The following GRM8 variants were observed in gnomAD, a reference collection of about 807,000 sequenced individuals.
GRM8 encodes glutamate metabotropic receptor 8.
Under a neutral mutation model 87.2 loss-of-function variants are expected in GRM8, and 47 were observed. The ratio of observed to expected loss-of-function variants is 0.54; its 90% confidence interval spans 0.43 to 0.69. GRM8 has a LOEUF of 0.69. Among genes scored for constraint, GRM8 ranks in the 30% least tolerant of loss-of-function variants. The pLI is 0.00. For missense variants in GRM8, 1,019 were observed against 1,139.2 expected (o/e 0.89, Z 1.52); for synonymous variants, 396 against 404.5 (o/e 0.98, Z 0.25).
chr7:126,582,702 A>G (rs982790065), intron 8 of GRM8, among the ~76,000 whole-genome samples: 3 of 152,162 alleles, frequency 2.0e-5, no homozygotes, highest in Admixed American at 6.5e-5. Context: ...TCCAATGCTC[A>G]TTGAACATTC....
intron 3 of GRM8, chr7:127,058,105 CATG>C: frequency 2.0e-6 from 1 of 511,690 alleles, no homozygotes; most frequent in Non-Finnish European, 4.0e-6. Flanking sequence ...CGTCTTACGT[CATG>C]ATGTTGCGTC....
At chr7:126,543,581 T>C (rs1243022437) in intron 8 of GRM8, among the ~76,000 whole-genome samples, 2 of 151,806 alleles carry the variant, frequency 1.3e-5, no homozygotes, top group African/African-American at 4.9e-5. Context: ...TATCCTTCAC[T>C]GAAAAGGGGC....
chr7:127,177,675 C>G (rs576271022), intron 2 of GRM8, among the ~76,000 whole-genome samples: 102 of 152,338 alleles, frequency 6.7e-4, no homozygotes, highest in African/African-American at 2.2e-3. Flanking sequence ...CATCACAGGG[C>G]TCTGTGCAGA....
At chr7:126,875,268 A>C (rs1389477526) in intron 6 of GRM8, among the ~76,000 whole-genome samples, 3 of 151,888 alleles carry the variant, frequency 2.0e-5, no homozygotes. Context: ...AACTGTAAGT[A>C]ATCAAAGAAG....
chr7:126,980,698 T>C (rs1811433316), intron 3 of GRM8, among the ~76,000 whole-genome samples: 1 of 152,198 alleles, frequency 6.6e-6, no homozygotes, highest in Non-Finnish European at 1.5e-5. Flanking sequence ...CTCCTTAACC[T>C]TGGCGATAGT....
At chr7:127,216,353 C>T (rs1019693087) in intron 2 of GRM8, among the ~76,000 whole-genome samples, 6 of 151,110 alleles carry the variant, frequency 4.0e-5, no homozygotes, top group Admixed American at 6.6e-5. Context: ...CCTGTCTCTA[C>T]GAAAAATACA....
chr7:126,687,113 C>T (rs1167602804), intron 7 of GRM8, among the ~76,000 whole-genome samples: 1 of 152,216 alleles, frequency 6.6e-6, no homozygotes, highest in African/African-American at 2.4e-5. Context: ...CCACACAGGT[C>T]AGGAGATGCA....
At chr7:126,545,584 T>C (rs906650485) in intron 8 of GRM8, among the ~76,000 whole-genome samples, 27 of 152,322 alleles carry the variant, frequency 1.8e-4, no homozygotes, top group Non-Finnish European at 3.4e-4. Flanking sequence ...TTTTTGTGAA[T>C]AGTATTTAAA....
chr7:126,556,146 G>A (rs561351649), intron 8 of GRM8, among the ~76,000 whole-genome samples: 58 of 152,084 alleles, frequency 3.8e-4, no homozygotes, highest in South Asian at 1.0e-3. Context: ...AAAATACTTC[G>A]TATCCATGAA....
chr7:127,101,538 C>A (rs1173301273), intron 3 of GRM8, among the ~76,000 whole-genome samples: 1 of 152,128 alleles, frequency 6.6e-6, no homozygotes, highest in Non-Finnish European at 1.5e-5. Flanking sequence ...TCCCCCATTC[C>A]CAACTCTCTC....
intron 2 of GRM8, among the ~76,000 whole-genome samples, chr7:127,190,310 A>G (rs1794957686): frequency 6.6e-6 from 1 of 152,190 alleles, no homozygotes; most frequent in Non-Finnish European, 1.5e-5. Context: ...CCAGGAACAG[A>G]GAATTGTTAA....
At chr7:127,108,442 G>C (rs1347355681) in intron 2 of GRM8, among the ~76,000 whole-genome samples, 1 of 152,114 alleles carries the variant, frequency 6.6e-6, no homozygotes, top group African/African-American at 2.4e-5. Flanking sequence ...GTGCGAGTAG[G>C]GGTTGTGTGG....
intron 7 of GRM8, among the ~76,000 whole-genome samples, chr7:126,658,632 T>C (rs534294688): frequency 6.6e-6 from 1 of 151,848 alleles, no homozygotes; most frequent in Admixed American, 6.6e-5. Flanking sequence ...GAAGACCACA[T>C]TCTAGATCAA....
chr7:127,249,991 A>G (rs1051404887), intron 1 of GRM8, among the ~76,000 whole-genome samples: 1 of 152,174 alleles, frequency 6.6e-6, no homozygotes. Flanking sequence ...ACTCCCCCCA[A>G]CTAAAGCAAG....
At chr7:127,040,360 T>C (rs192726872) in intron 3 of GRM8, among the ~76,000 whole-genome samples, 301 of 152,236 alleles carry the variant, frequency 2.0e-3, no homozygotes, top group African/African-American at 6.5e-3. Flanking sequence ...CCTCCATCAC[T>C]GTGGACAGTG....
intron 7 of GRM8, among the ~76,000 whole-genome samples, chr7:126,768,926 G>GCAAAAAAAAAAAAAA (rs1554485593): frequency 0.014 from 1,026 of 70,872 alleles, 17 homozygotes; most frequent in African/African-American, 0.043. Context: ...AAGGAAAAAT[G>GCAAAAAAAAAAAAAA]CAAAAAAAAA....
Position 126,865,553 on chromosome 7 carries a change from C to G in GRM8, c.1156+36989G>C, listed in dbSNP as rs182904016. On this transcript the variant is annotated intron_variant, in intron 6 of 10. Transcript: ENST00000339582. ...TTATTACCCAAAAAGAAGCCCTATT[C>G]CCCTTACATACCACTCTTCAATCAT... Among the ~76,000 whole-genome samples, 412 of 152,292 alleles carry G rather than the reference C, an allele frequency of 2.7e-3. 3 individuals are homozygous for G. Among genetic ancestry groups the G allele is most frequent in the Non-Finnish European group, 3.3e-3 (223 of 68,030 alleles).
At chr7:126,788,253 T>C (rs1423664939) in intron 6 of GRM8, among the ~76,000 whole-genome samples, 1 of 150,990 alleles carries the variant, frequency 6.6e-6, no homozygotes, top group Admixed American at 6.6e-5. Flanking sequence ...CTAATAAAAA[T>C]ACAAAAATTA....
In GRM8 at chr7:126,866,881, C is replaced by T. The variant is rs906928874; in HGVS notation, c.1156+35661G>A. Among the ~76,000 whole-genome samples the T allele has an allele frequency of 6.6e-5, 10 of 152,080 alleles. No homozygotes were observed. The East Asian group carries it at 9.7e-4, about 15-fold the overall frequency. On this transcript the variant is annotated intron_variant, in intron 6 of 10. Coordinates refer to ENST00000339582, the MANE Select transcript of GRM8 (RefSeq NM_000845.3). ...CTGGGATTACAGGTGTGAGCTACCGCGCCCTGCCTTGACTCAATTTTTATA... is the reference window on the plus strand; with the variant it reads ...CTGGGATTACAGGTGTGAGCTACCGTGCCCTGCCTTGACTCAATTTTTATA...
Sources: allele counts gnomAD v4.1 joint callset (sites outside exome capture counted in the v4.1 genomes callset), GRCh38; gene constraint gnomAD v4.1.1; transcripts MANE v1.5; gene names NCBI Gene and HGNC (gene_info 2026-07-23, HGNC 2026-07-21).